The following SPAG6 variants were observed in gnomAD, a reference collection of about 807,000 sequenced individuals.
The protein encoded by SPAG6 is sperm associated antigen 6.
In SPAG6, 49 loss-of-function variants were observed where a neutral mutation model predicts 58.5. The observed-to-expected ratio is 0.84, with a 90% CI of 0.67 to 1.06. The LOEUF (loss-of-function observed/expected upper bound fraction) is 1.06, where lower values mean the gene tolerates loss of function less well. Ranked by LOEUF, SPAG6 falls within the 50% of genes least tolerant of loss-of-function variation. The pLI, the probability that SPAG6 is intolerant of heterozygous loss-of-function variation, is 0.00. For missense variants in SPAG6, 560 were observed against 611.3 expected (o/e 0.92, Z 0.89); for synonymous variants, 233 against 225.6 (o/e 1.03, Z -0.29).
chr10:22,411,329 G>C, intron 10 of SPAG6, 153 bp downstream of exon 10: 1 of 553,994 alleles, frequency 1.8e-6, no homozygotes, highest in Non-Finnish European at 3.0e-6. Context: ...TCTTCCCCCT[G>C]CCAAATTAAT....
intron 4 of SPAG6, among the ~76,000 whole-genome samples, chr10:22,376,735 G>A (rs1293601551): frequency 6.6e-6 from 1 of 151,876 alleles, no homozygotes; most frequent in African/African-American, 2.4e-5. Context: ...CTTATACCAG[G>A]GCTGGTCTGT....
intron 6 of SPAG6, among the ~76,000 whole-genome samples, chr10:22,388,525 C>A (rs1834117825): frequency 6.6e-6 from 1 of 152,104 alleles, no homozygotes; most frequent in Non-Finnish European, 1.5e-5. Flanking sequence ...AGTAGCTGCT[C>A]TTACATGGTG....
chr10:22,407,244 A>G (rs1052424198), intron 9 of SPAG6, among the ~76,000 whole-genome samples: 6 of 151,442 alleles, frequency 4.0e-5, no homozygotes, highest in Non-Finnish European at 8.8e-5. Context: ...GATGGTCTTT[A>G]CATTTTGGCA....
chr10:22,361,065 A>G (rs907472770), intron 2 of SPAG6: 5 of 442,516 alleles, frequency 1.1e-5, no homozygotes, highest in Non-Finnish European at 2.0e-5. Context: ...ACTGATAATT[A>G]TGAAGCACTA....
At chr10:22,397,501 A>C (rs1834323849) in intron 8 of SPAG6, among the ~76,000 whole-genome samples, 1 of 152,088 alleles carries the variant, frequency 6.6e-6, no homozygotes, top group African/African-American at 2.4e-5. Flanking sequence ...TTTTTAGTAG[A>C]GACAGGGTTT....
chr10:22,416,472 C>T (rs1232706931), intron 10 of SPAG6, 147 bp from the exon 11 acceptor site: 6 of 496,668 alleles, frequency 1.2e-5, no homozygotes, highest in Non-Finnish European at 2.2e-5. Context: ...TAACTTTATG[C>T]ACAAAGCATT....
rs1371609495 is a variant in SPAG6 at position 22,389,265 on chromosome 10, G to A, written c.958G>A (p.Val320Ile). 2 of 1,612,762 alleles carry A rather than the reference G, an allele frequency of 1.2e-6. No individual in the cohort carries two copies. Among genetic ancestry groups the A allele is most frequent in the Non-Finnish European group, 1.7e-6 (2 of 1,179,696 alleles). Residue 320 changes from valine (V) to isoleucine (I), a missense_variant, in exon 7 of 11, where the codon GTA (valine) becomes ATA (isoleucine). Physicochemically the swap from Val to Ile is conservative, Grantham distance 29. Coordinates refer to ENST00000376624, the MANE Select transcript of SPAG6 (RefSeq NM_012443.4). ...RLPGIMMLGY[V>I]AAHSENLAMA... ...GCCTGGCATCATGATGCTTGGTTAT[G>A]TAGCAGCTCATTCTGAGAACCTAGC...
chr10:22,368,933 C>T lies in SPAG6; in HGVS notation c.472+255C>T, dbSNP rs146162812. 3.7e-3 allele frequency among the ~76,000 whole-genome samples: 562 copies of T among 151,824 alleles called. 2 individuals are homozygous for T. The highest frequency in any genetic ancestry group is 5.6e-3 in the Non-Finnish European group (383 of 67,932). On this transcript the variant is annotated intron_variant, in intron 4 of 10. Coordinates refer to ENST00000376624, the MANE Select transcript of SPAG6 (RefSeq NM_012443.4). ...GGAGAAAAGGAGAGAGGGGTGGCAG[C>T]GGGTGGGAGAGTAGGCTTGAGTCTC...
chr10:22,412,236 C>G (rs555361038), intron 10 of SPAG6, among the ~76,000 whole-genome samples: 1 of 152,238 alleles, frequency 6.6e-6, no homozygotes, highest in East Asian at 1.9e-4. Flanking sequence ...ACATTTATTT[C>G]TTATTTTCTT....
At chr10:22,381,038 A>G (rs1833942408) in intron 4 of SPAG6, among the ~76,000 whole-genome samples, 1 of 152,170 alleles carries the variant, frequency 6.6e-6, no homozygotes, top group Non-Finnish European at 1.5e-5. Context: ...TCATATGTTT[A>G]GAGTAATCCT....
At chr10:22,378,058 T>G (rs1286437664) in intron 4 of SPAG6, among the ~76,000 whole-genome samples, 62 of 144,776 alleles carry the variant, frequency 4.3e-4, no homozygotes, top group African/African-American at 1.5e-3. Flanking sequence ...TTCTTTTCTT[T>G]TTTTTTTTTT....
chr10:22,377,829 G>C (rs1411159876), intron 4 of SPAG6, among the ~76,000 whole-genome samples: 3 of 152,122 alleles, frequency 2.0e-5, no homozygotes, highest in Admixed American at 1.3e-4. Flanking sequence ...GCCTTTTGCT[G>C]TCTAGCCTTC....
chr10:22,349,424 A>C (rs1319053266), intron 2 of SPAG6, among the ~76,000 whole-genome samples: 3 of 152,232 alleles, frequency 2.0e-5, no homozygotes, highest in African/African-American at 7.2e-5. Context: ...AATAGTAGAG[A>C]TAATACATTG....
chr10:22,362,630 C>T (rs553855059), intron 2 of SPAG6, among the ~76,000 whole-genome samples: 1 of 151,816 alleles, frequency 6.6e-6, no homozygotes, highest in Non-Finnish European at 1.5e-5. Context: ...ATTTGTGAGG[C>T]TGAGTGGGAG....
intron 2 of SPAG6, among the ~76,000 whole-genome samples, chr10:22,351,959 TC>T (rs1272054151): frequency 6.6e-6 from 1 of 151,918 alleles, no homozygotes; most frequent in Non-Finnish European, 1.5e-5. Flanking sequence ...AATCACGAGG[TC>T]AGGAGATTGA....
intron 10 of SPAG6, chr10:22,413,090 A>AAAAAAAATAAAAG (rs1834781651): frequency 6.7e-6 from 1 of 148,668 alleles, no homozygotes. Context: ...AAAAAAAAAG[A>AAAAAAAATAAAAG]ACTAAAGTGT....
At chr10:22,371,499 G>A (rs974152419) in intron 4 of SPAG6, among the ~76,000 whole-genome samples, 6 of 152,102 alleles carry the variant, frequency 3.9e-5, no homozygotes, top group African/African-American at 4.8e-5. Flanking sequence ...TAATCCGCCC[G>A]CCTCGGCCTC....
At chr10:22,372,456 C>T (rs980517753) in intron 4 of SPAG6, among the ~76,000 whole-genome samples, 13 of 152,182 alleles carry the variant, frequency 8.5e-5, no homozygotes, top group African/African-American at 2.9e-4. Flanking sequence ...CCCCAGCCGC[C>T]GGGCTTCCTC....
intron 4 of SPAG6, among the ~76,000 whole-genome samples, chr10:22,378,342 G>T (rs1165050700): frequency 2.0e-5 from 3 of 151,616 alleles, no homozygotes; most frequent in African/African-American, 7.3e-5. Context: ...GGGATTACAG[G>T]CGTGAGCCAG....
Sources: allele counts gnomAD v4.1 joint callset (sites outside exome capture counted in the v4.1 genomes callset), GRCh38; gene constraint gnomAD v4.1.1; transcripts MANE v1.5; gene names NCBI Gene and HGNC (gene_info 2026-07-23, HGNC 2026-07-21).